TENM2: variants seen among roughly 807,000 people sequenced by gnomAD.
The protein encoded by TENM2 is teneurin transmembrane protein 2.
Under a neutral mutation model 245.2 loss-of-function variants are expected in TENM2, and 52 were observed. The observed-to-expected ratio is 0.21, with a 90% CI of 0.17 to 0.27. The LOEUF (loss-of-function observed/expected upper bound fraction) is 0.27. Among genes scored for constraint, TENM2 ranks in the 10% least tolerant of loss-of-function variants. TENM2 has a pLI of 1.00. For missense variants in TENM2, 3,046 were observed against 3,666.8 expected, an observed-to-expected ratio of 0.83 and a Z score of 4.37; for synonymous variants, 1,363 against 1,438.9, an observed-to-expected ratio of 0.95 and a Z score of 1.19.
At chr5:167,607,542 G>A (rs1434937287) in intron 2 of TENM2, among the ~76,000 whole-genome samples, 1 of 152,072 alleles carries the variant, frequency 6.6e-6, no homozygotes, top group East Asian at 1.9e-4. Context: ...CCATTACTTC[G>A]GGCCTTATAC....
intron 2 of TENM2, among the ~76,000 whole-genome samples, chr5:167,746,851 T>A (rs1490888165): frequency 6.6e-6 from 1 of 152,136 alleles, no homozygotes; most frequent in African/African-American, 2.4e-5. Context: ...TGTGTGTGCA[T>A]ACACACATAA....
intron 2 of TENM2, among the ~76,000 whole-genome samples, chr5:167,806,530 C>G (rs1766188484): frequency 6.6e-6 from 1 of 152,086 alleles, no homozygotes; most frequent in Non-Finnish European, 1.5e-5. Flanking sequence ...TTGCCTTTCA[C>G]TACGTGGTAA....
chr5:167,145,842 C>T, the TENM2 span, among the ~76,000 whole-genome samples: 4 of 152,156 alleles, frequency 2.6e-5, no homozygotes, highest in Non-Finnish European at 4.4e-5. Context: ...TCCATGTTCC[C>T]CTTCAGCACC....
intron 3 of TENM2, among the ~76,000 whole-genome samples, chr5:167,935,966 G>T (rs1778676998): frequency 6.6e-6 from 1 of 152,064 alleles, no homozygotes; most frequent in Admixed American, 6.6e-5. Context: ...GCACCCTTAG[G>T]CTTCCATCTA....
chr5:168,062,711 TAC>T (rs2086771535), intron 7 of TENM2, among the ~76,000 whole-genome samples: 1 of 152,192 alleles, frequency 6.6e-6, no homozygotes, highest in Non-Finnish European at 1.5e-5. Flanking sequence ...GGAGTATTGT[TAC>T]ATGCTACAAC....
intron 2 of TENM2, among the ~76,000 whole-genome samples, chr5:167,508,677 A>G (rs1451079642): frequency 3.3e-5 from 5 of 152,200 alleles, no homozygotes; most frequent in African/African-American, 1.2e-4. Flanking sequence ...ATTTATCACA[A>G]ATTTAAAGAC....
intron 2 of TENM2, chr5:167,755,212 A>G (rs369172070): frequency 5.7e-6 from 9 of 1,581,802 alleles, no homozygotes; most frequent in Non-Finnish European, 1.7e-6. Context: ...ATGGATGTGC[A>G]TGCAGATGGG....
At chr5:167,532,826 G>GTGTGTATATATATA (rs1554170577) in intron 2 of TENM2, among the ~76,000 whole-genome samples, 5 of 144,516 alleles carry the variant, frequency 3.5e-5, no homozygotes, top group African/African-American at 1.3e-4. Context: ...GTGTGTGTGT[G>GTGTGTATATATATA]TATATATATA....
At chr5:167,242,105 A>C in the TENM2 span, among the ~76,000 whole-genome samples, 1 of 146,942 alleles carries the variant, frequency 6.8e-6, no homozygotes, top group African/African-American at 2.5e-5. Context: ...AGTGCAGTGC[A>C]GTGGCATGAT....
intron 2 of TENM2, among the ~76,000 whole-genome samples, chr5:167,869,053 A>G (rs1772583378): frequency 6.6e-6 from 1 of 152,202 alleles, no homozygotes; most frequent in Non-Finnish European, 1.5e-5. Flanking sequence ...ACTCCCAAAT[A>G]GTAGAGTAAG....
intron 1 of TENM2, among the ~76,000 whole-genome samples, chr5:167,340,125 C>G (rs1380536043): frequency 6.6e-6 from 1 of 152,160 alleles, no homozygotes; most frequent in African/African-American, 2.4e-5. Flanking sequence ...TCAGCCAAAT[C>G]CTTCGTCACT....
chr5:167,368,665 T>C (rs1373879942), intron 1 of TENM2, among the ~76,000 whole-genome samples: 1 of 152,174 alleles, frequency 6.6e-6, no homozygotes, highest in Non-Finnish European at 1.5e-5. Context: ...TACTGTGTCT[T>C]GACAGCCAGG....
At chr5:167,284,828 A>T (rs915985997) in exon 1 of TENM2, 1 of 1,546,848 alleles carries the variant, frequency 6.5e-7, no homozygotes, top group Admixed American at 2.0e-5. Context: ...ATTCTGCCAT[A>T]TCTGGAATAA....
intron 2 of TENM2, among the ~76,000 whole-genome samples, chr5:167,519,799 T>C (rs1297564877): frequency 6.6e-6 from 1 of 152,176 alleles, no homozygotes; most frequent in Non-Finnish European, 1.5e-5. Flanking sequence ...TGATTGTTTT[T>C]TAAACACACA....
At chr5:167,901,930 C>T (rs1775737685) in intron 3 of TENM2, among the ~76,000 whole-genome samples, 2 of 152,128 alleles carry the variant, frequency 1.3e-5, no homozygotes. Flanking sequence ...CTTTTTATAA[C>T]TTTATATGTT....
At chr5:167,038,583 T>G in the TENM2 span, among the ~76,000 whole-genome samples, 7 of 152,192 alleles carry the variant, frequency 4.6e-5, no homozygotes, top group Non-Finnish European at 1.0e-4. Flanking sequence ...AAGACTTTTC[T>G]TATCTGAGAA....
chr5:168,058,381 A>G (rs1233597879), intron 6 of TENM2, among the ~76,000 whole-genome samples: 1 of 152,212 alleles, frequency 6.6e-6, no homozygotes, highest in Non-Finnish European at 1.5e-5. Context: ...GCCTGACCTC[A>G]GGGAGCACAG....
chr5:167,693,487 T>C (rs1757562017), intron 2 of TENM2, among the ~76,000 whole-genome samples: 1 of 152,158 alleles, frequency 6.6e-6, no homozygotes, highest in South Asian at 2.1e-4. Context: ...TTTAGCTTGA[T>C]TCGGGCTATT....
chr5:168,208,591 T>C (rs545619430), intron 19 of TENM2, among the ~76,000 whole-genome samples: 16 of 152,352 alleles, frequency 1.1e-4, no homozygotes, highest in African/African-American at 3.8e-4. Flanking sequence ...TAGGGAAGAC[T>C]ATGTGGTTCC....
Sources: allele counts gnomAD v4.1 joint callset (sites outside exome capture counted in the v4.1 genomes callset), GRCh38; gene constraint gnomAD v4.1.1; transcripts MANE v1.5; gene names NCBI Gene and HGNC (gene_info 2026-07-23, HGNC 2026-07-21).